Variants in SIK2 observed in about 807,000 individuals in gnomAD.
SIK2 encodes the protein serine/threonine-protein kinase SIK2.
Under a neutral mutation model 103.2 loss-of-function variants are expected in SIK2, and 29 were observed. That is an observed-to-expected ratio of 0.28 (90% CI 0.21 to 0.38). SIK2 has a LOEUF of 0.38. SIK2 is among the 10% of genes least tolerant of loss of function. The pLI, the probability that SIK2 is intolerant of heterozygous loss-of-function variation, is 1.00. For synonymous variants in SIK2, 412 were observed against 446.1 expected, an observed-to-expected ratio of 0.92 and a Z score of 0.96; for missense variants, 879 against 1,171.0, an observed-to-expected ratio of 0.75 and a Z score of 3.64.
At chr11:111,659,493 A>G (rs1942439984) in intron 3 of SIK2, among the ~76,000 whole-genome samples, 1 of 152,198 alleles carries the variant, frequency 6.6e-6, no homozygotes, top group Admixed American at 6.5e-5. Flanking sequence ...CTTTTTTCTT[A>G]AAAGAGTAGT....
chr11:111,615,071 G>A (rs560071864), intron 1 of SIK2, among the ~76,000 whole-genome samples: 50 of 151,986 alleles, frequency 3.3e-4, no homozygotes, highest in Middle Eastern at 6.8e-3. Flanking sequence ...CCCAGGAGGC[G>A]GAGGTTGCAG....
At position 111,701,301 on chromosome 11, in the gene SIK2, G is replaced by A; in HGVS notation, c.604-151G>A. 1 of 1,087,302 alleles carries A rather than the reference G, an allele frequency of 9.2e-7. No homozygotes were observed. The highest frequency in any genetic ancestry group is 1.6e-5 in the African/African-American group (1 of 63,394). 67.4% of individuals were successfully genotyped at this position (1,087,302 alleles called of 1,614,324 possible). ...TAAGATACTTATTGTAGTAGTCAGG[G>A]TTTTGGATTTTTTTCAAATTCTGAG... On this transcript the variant is annotated intron_variant, in intron 5 of 14. Coordinates refer to ENST00000304987, the MANE Select transcript of SIK2 (RefSeq NM_015191.3). This position sits in a 1 kb window ranked among gnomAD's most constrained non-coding sequence, Gnocchi z 4.2.
intron 4 of SIK2, among the ~76,000 whole-genome samples, chr11:111,696,786 A>C (rs555456055): frequency 1.2e-3 from 180 of 152,334 alleles, no homozygotes; most frequent in African/African-American, 4.1e-3. Flanking sequence ...ATGTTTAATG[A>C]AGGAATGAAT....
At chr11:111,660,126 T>C (rs986954741) in intron 3 of SIK2, among the ~76,000 whole-genome samples, 65 of 152,322 alleles carry the variant, frequency 4.3e-4, no homozygotes, top group African/African-American at 1.4e-3. Context: ...TAATAAGCTC[T>C]GTTGGTGAGA....
chr11:111,612,915 G>C (rs927601754), intron 1 of SIK2, among the ~76,000 whole-genome samples: 1 of 50,028 alleles, frequency 2.0e-5, no homozygotes, highest in East Asian at 3.7e-3. Flanking sequence ...ATAGCAATGG[G>C]ATATATATAT....
At chr11:111,691,627 T>G (rs1282911301) in intron 4 of SIK2, among the ~76,000 whole-genome samples, 1 of 152,186 alleles carries the variant, frequency 6.6e-6, no homozygotes, top group East Asian at 1.9e-4. Context: ...ATTCTATGGT[T>G]GTACATTTAG....
Position 111,727,954 on chromosome 11 carries a change from A to G in SIK2, c.*3825A>G, listed in dbSNP as rs149325442. ...GTTTGTATTACATTTTAAAACCTGT[A>G]TCAACAGTCACATTTAAGCTCCCTA... is the stretch of plus-strand genomic sequence containing the variant. On this transcript the variant is annotated 3_prime_UTR_variant, in exon 15 of 15. Coordinates refer to ENST00000304987, the MANE Select transcript of SIK2 (RefSeq NM_015191.3). 103 of 152,358 alleles carry G rather than the reference A, an allele frequency of 6.8e-4. 1 individual carries two copies. Among genetic ancestry groups the G allele is most frequent in the Middle Eastern group, 3.4e-3 (1 of 296 alleles). The allele number at this position is 152,358 out of a possible 1,614,324, so 9.4% of individuals were successfully genotyped here. A position where few individuals can be genotyped will look rare whatever the true frequency, so the allele number is the denominator to read the frequency against.
At chr11:111,720,391 C>T (rs1943765233) in intron 10 of SIK2, 87 bp from the exon 11 acceptor site, 1 of 1,359,712 alleles carries the variant, frequency 7.4e-7, no homozygotes, top group Non-Finnish European at 1.0e-6. Context: ...TGGTAGCTGT[C>T]AAAACTCAAG....
chr11:111,647,455 CTACAAAAAA>C (rs1031315938), intron 3 of SIK2, among the ~76,000 whole-genome samples: 3 of 149,458 alleles, frequency 2.0e-5, no homozygotes, highest in Non-Finnish European at 4.4e-5. Context: ...AATCCCACAT[CTACAAAAAA>C]TACAAAAAAT....
chr11:111,605,779 A>T (rs1470532749), intron 1 of SIK2, among the ~76,000 whole-genome samples: 3 of 152,254 alleles, frequency 2.0e-5, no homozygotes, highest in African/African-American at 7.2e-5. Context: ...TAGGAAAAAA[A>T]TAGTGGACAA....
chr11:111,604,946 A>C (rs1275587346), intron 1 of SIK2, among the ~76,000 whole-genome samples: 2 of 141,968 alleles, frequency 1.4e-5, no homozygotes, highest in Non-Finnish European at 3.0e-5. Context: ...TAGGTTGTAA[A>C]GTTGCTCTGA....
At chr11:111,624,428 A>G (rs1331105684) in intron 3 of SIK2, among the ~76,000 whole-genome samples, 1 of 152,232 alleles carries the variant, frequency 6.6e-6, no homozygotes, top group African/African-American at 2.4e-5. Flanking sequence ...CTGATTTACA[A>G]TGCCGGCTAT....
chr11:111,628,406 C>A (rs1168775679), intron 3 of SIK2, among the ~76,000 whole-genome samples: 4 of 150,878 alleles, frequency 2.7e-5, no homozygotes, highest in Non-Finnish European at 2.9e-5. Context: ...TTAGAGGCAA[C>A]CGCTTTCATA....
Position 111,705,316 on chromosome 11 carries a change from G to A in SIK2, c.1101+177G>A, listed in dbSNP as rs112780595. Among the ~76,000 whole-genome samples, 1 of 152,104 alleles carries A rather than the reference G, an allele frequency of 6.6e-6. No individual in the cohort carries two copies. Among genetic ancestry groups the A allele is most frequent in the African/African-American group, 2.4e-5 (1 of 41,404 alleles). ...TTTTAGCACTTCCTCATTTTTAAGG[G>A]TTAACTTTATTTCAAACAGTTTTTT... On this transcript the variant is annotated intron_variant, in intron 8 of 14. Coordinates refer to ENST00000304987, the MANE Select transcript of SIK2 (RefSeq NM_015191.3). This position sits in a 1 kb window ranked among gnomAD's most constrained non-coding sequence, Gnocchi z 4.3.
chr11:111,691,622 A>G (rs559700971), intron 4 of SIK2, among the ~76,000 whole-genome samples: 1 of 152,202 alleles, frequency 6.6e-6, no homozygotes, highest in South Asian at 2.1e-4. Context: ...CCATCATTCT[A>G]TGGTTGTACA....
At position 111,721,829 on chromosome 11, in the gene SIK2, G is replaced by A; in HGVS notation, c.1945-1G>A. The stretch of plus-strand genomic sequence containing the variant: ...ATTGTTTCCACCCCCTTGCTCCTCA[G>A]GAAGAAGTTTCTCAGCAGCAGGAAA... On this transcript the variant is annotated splice_acceptor_variant, in intron 12 of 14. Coordinates refer to ENST00000304987, the MANE Select transcript of SIK2 (RefSeq NM_015191.3). LOFTEE classifies it high-confidence loss of function. The A allele has an allele frequency of 6.2e-7, 1 of 1,605,102 alleles. No individual in the cohort carries two copies.
intron 3 of SIK2, among the ~76,000 whole-genome samples, chr11:111,624,348 A>G (rs559342848): frequency 6.6e-6 from 1 of 152,306 alleles, no homozygotes; most frequent in South Asian, 2.1e-4. Flanking sequence ...TTCTTAAAAT[A>G]TTTGTTTTAG....
intron 3 of SIK2, among the ~76,000 whole-genome samples, chr11:111,623,248 AATGCCTTCC>A (rs375454521): frequency 2.6e-4 from 39 of 152,246 alleles, no homozygotes; most frequent in African/African-American, 9.1e-4. Context: ...ACTGTTTTTT[AATGCCTTCC>A]ATGTCTTTAC....
intron 3 of SIK2, among the ~76,000 whole-genome samples, chr11:111,674,004 A>G (rs970494007): frequency 6.6e-6 from 1 of 151,514 alleles, no homozygotes; most frequent in African/African-American, 2.4e-5. Context: ...AACCCGCGAG[A>G]CGGAGGTTGC....
Sources: gnomAD v4.1 joint callset for allele counts (sites outside exome capture counted in the v4.1 genomes callset) on GRCh38, gnomAD v4.1.1 for gene constraint, Gnocchi (gnomAD v3.1) non-coding constraint, MANE v1.5 for transcripts, NCBI Gene and HGNC (gene_info 2026-07-23, HGNC 2026-07-21) for gene names.